The following COLEC10 variants were observed in gnomAD, a reference collection of about 807,000 sequenced individuals.
COLEC10 encodes collectin subfamily member 10.
COLEC10 carries 22 observed loss-of-function variants against 28.4 expected under a neutral mutation model. The observed-to-expected ratio is 0.78, with a 90% CI of 0.55 to 1.11. The LOEUF (loss-of-function observed/expected upper bound fraction) is 1.11. Ranked by LOEUF, COLEC10 falls within the 50% of genes least tolerant of loss-of-function variation. The probability of loss-of-function intolerance (pLI) is 0.00; values close to 1 mark genes in which losing one functional copy is unlikely to be tolerated. For missense variants in COLEC10, 361 were observed against 344.1 expected (o/e 1.05, Z -0.39); for synonymous variants, 125 against 116.1 (o/e 1.08, Z -0.49).
Position 119,087,380 on chromosome 8 carries a change from A to G in COLEC10, c.149-2300A>G, listed in dbSNP as rs79658150. ...GGAGAATTTAGCCCAGTCTGGGAGT[A>G]TTAGAAAGGACTCCCTGAAGGAAAA... On this transcript the variant is annotated intron_variant, in intron 1 of 5. Transcript: ENST00000332843. Among the ~76,000 whole-genome samples the G allele has an allele frequency of 8.8e-3, 1,345 of 152,308 alleles. 19 individuals are homozygous for G. Among genetic ancestry groups the G allele is most frequent in the African/African-American group, 0.031 (1,281 of 41,564 alleles).
chr8:119,011,163 G>A (rs1399504766), intron 2 of COLEC10, among the ~76,000 whole-genome samples: 4 of 150,936 alleles, frequency 2.7e-5, no homozygotes, highest in Non-Finnish European at 5.9e-5. Flanking sequence ...TTTTGTGAAG[G>A]TTGTAAAGTC....
At chr8:119,096,700 AG>A (rs1815725643) in intron 3 of COLEC10, among the ~76,000 whole-genome samples, 1 of 152,160 alleles carries the variant, frequency 6.6e-6, no homozygotes. Context: ...TATTCAATAA[AG>A]GGCTTACATG....
At chr8:119,048,126 A>C (rs934969578) in intron 2 of COLEC10, among the ~76,000 whole-genome samples, 4 of 152,174 alleles carry the variant, frequency 2.6e-5, no homozygotes, top group Non-Finnish European at 5.9e-5. Flanking sequence ...GTAATTTTTC[A>C]ATCCATGCCC....
chr8:118,967,872 A>G, the COLEC10 span, among the ~76,000 whole-genome samples: 3 of 152,144 alleles, frequency 2.0e-5, no homozygotes, highest in African/African-American at 7.2e-5. Flanking sequence ...GTAAAACCCT[A>G]AAGTATCACA....
chr8:119,050,652 A>G (rs189958662), intron 2 of COLEC10, among the ~76,000 whole-genome samples: 2 of 152,340 alleles, frequency 1.3e-5, no homozygotes, highest in East Asian at 3.9e-4. Context: ...AGTACAACTC[A>G]TGTGGAAAAA....
chr8:119,092,554 A>T (rs369977048), intron 3 of COLEC10, among the ~76,000 whole-genome samples: 18 of 152,226 alleles, frequency 1.2e-4, no homozygotes, highest in African/African-American at 4.3e-4. Context: ...AAACTGAATG[A>T]ACATAAAATT....
chr8:118,982,272 G>A, the COLEC10 span, among the ~76,000 whole-genome samples: 1 of 151,912 alleles, frequency 6.6e-6, no homozygotes, highest in South Asian at 2.1e-4. Context: ...CCTTAAATAT[G>A]GTTTTCAGAA....
intron 2 of COLEC10, among the ~76,000 whole-genome samples, chr8:119,032,858 C>G (rs988620290): frequency 6.6e-6 from 1 of 152,202 alleles, no homozygotes; most frequent in Non-Finnish European, 1.5e-5. Flanking sequence ...GCTGAGATCG[C>G]GCCTCTGCAC....
At chr8:118,991,868 A>G (rs1447918016), upstream of COLEC10, among the ~76,000 whole-genome samples, 1 of 152,128 alleles carries the variant, frequency 6.6e-6, no homozygotes, top group Non-Finnish European at 1.5e-5. Context: ...AATCCTTACT[A>G]AAAAACACTT....
intron 2 of COLEC10, among the ~76,000 whole-genome samples, chr8:119,015,338 T>C (rs1471700631): frequency 6.6e-6 from 1 of 150,940 alleles, no homozygotes; most frequent in Non-Finnish European, 1.5e-5. Flanking sequence ...TAGGACAGGA[T>C]GGCTGGTGTG....
At chr8:118,971,326 T>C in the COLEC10 span, among the ~76,000 whole-genome samples, 1 of 151,988 alleles carries the variant, frequency 6.6e-6, no homozygotes. Flanking sequence ...CTGAAAGTCA[T>C]AGGTTGCTTT....
intron 3 of COLEC10, among the ~76,000 whole-genome samples, chr8:119,092,988 G>T (rs73712719): frequency 0.036 from 5,426 of 152,248 alleles, 199 homozygotes; most frequent in East Asian, 0.19. Flanking sequence ...AGACTGATAT[G>T]CGAAAGAACA....
At position 119,088,423 on chromosome 8, in the gene COLEC10, T is replaced by A. The variant is rs534765854; in HGVS notation, c.149-1257T>A. Among the ~76,000 whole-genome samples, 19 of 152,268 alleles carry A rather than the reference T, an allele frequency of 1.2e-4. No individual in the cohort carries two copies. The South Asian group carries it at 3.7e-3, about 30-fold the overall frequency. ...CACACCTGGAAATCCAACTCTTCCA[T>A]ACATTGTCCTTGCTTTCACTTAAAA... On this transcript the variant is annotated intron_variant, in intron 1 of 5. Coordinates refer to ENST00000332843, the MANE Select transcript of COLEC10 (RefSeq NM_006438.5).
intron 2 of COLEC10, among the ~76,000 whole-genome samples, chr8:119,014,296 A>G (rs1356419820): frequency 6.7e-6 from 1 of 149,906 alleles, no homozygotes; most frequent in East Asian, 1.9e-4. Flanking sequence ...TCGTTTGAGA[A>G]AGTCTTTATT....
chr8:118,994,613 G>A (rs2130045648), upstream of COLEC10, among the ~76,000 whole-genome samples: 2 of 152,244 alleles, frequency 1.3e-5, no homozygotes, highest in South Asian at 4.1e-4. Context: ...GAGCCAGTGA[G>A]AGCCATGAGG....
chr8:118,987,810 A>G, the COLEC10 span, among the ~76,000 whole-genome samples: 1 of 152,198 alleles, frequency 6.6e-6, no homozygotes, highest in Admixed American at 6.5e-5. Flanking sequence ...CAAAATATTT[A>G]AAAATCTTCG....
intron 2 of COLEC10, among the ~76,000 whole-genome samples, chr8:119,051,877 T>C (rs1297395934): frequency 6.6e-6 from 1 of 152,124 alleles, no homozygotes; most frequent in Admixed American, 6.6e-5. Context: ...GCTTTGGGGC[T>C]TGAATCCTAG....
At chr8:118,977,035 C>T in the COLEC10 span, among the ~76,000 whole-genome samples, 35 of 150,520 alleles carry the variant, frequency 2.3e-4, no homozygotes, top group African/African-American at 8.3e-4. Context: ...AAATGCAAAT[C>T]AAAACCACAA....
At chr8:119,099,675 T>C (rs1046585499) in intron 3 of COLEC10, among the ~76,000 whole-genome samples, 3 of 152,064 alleles carry the variant, frequency 2.0e-5, no homozygotes, top group African/African-American at 7.2e-5. Context: ...TTATGTCTTC[T>C]CAGAAAAAAA....
Sources: gnomAD v4.1 joint callset for allele counts (sites outside exome capture counted in the v4.1 genomes callset) on GRCh38, gnomAD v4.1.1 for gene constraint, MANE v1.5 for transcripts, NCBI Gene and HGNC (gene_info 2026-07-23, HGNC 2026-07-21) for gene names.